CEP68: variants seen among roughly 807,000 people sequenced by gnomAD.
CEP68 encodes the protein centrosomal protein of 68 kDa.
CEP68 carries 26 observed loss-of-function variants against 55.3 expected under a neutral mutation model. That is an observed-to-expected ratio of 0.47 (90% CI 0.34 to 0.65). The LOEUF is 0.65. Ranked by LOEUF, CEP68 falls within the 30% of genes least tolerant of loss-of-function variation. The pLI, the probability that CEP68 is intolerant of heterozygous loss-of-function variation, is 0.01. For synonymous variants in CEP68, 402 were observed against 383.2 expected, an observed-to-expected ratio of 1.05 and a Z score of -0.57; for missense variants, 957 against 946.7, an observed-to-expected ratio of 1.01 and a Z score of -0.14.
intron 1 of CEP68, among the ~76,000 whole-genome samples, chr2:65,061,779 C>T (rs555992614): frequency 5.9e-5 from 9 of 152,346 alleles, no homozygotes; most frequent in Middle Eastern, 3.4e-3. Flanking sequence ...GCCTCAGTCA[C>T]CTTTTGTGAC....
chr2:65,060,340 G>C (rs1238868664), intron 1 of CEP68, among the ~76,000 whole-genome samples: 1 of 152,204 alleles, frequency 6.6e-6, no homozygotes, highest in Non-Finnish European at 1.5e-5. Context: ...TCTCCAAAGA[G>C]AATGCTATGG....
chr2:65,086,763 A>T lies in CEP68; in HGVS notation c.*3129A>T, dbSNP rs567485896. Reference sequence around the variant, plus strand: ...GCAAAAACAAAACTTCTGAAGCATTAAAGATCTTCACCAAAATAACTATTG... The same window carrying T: ...GCAAAAACAAAACTTCTGAAGCATTTAAGATCTTCACCAAAATAACTATTG... On this transcript the variant is annotated 3_prime_UTR_variant, in exon 7 of 7. Coordinates refer to ENST00000377990, the MANE Select transcript of CEP68 (RefSeq NM_015147.3). The T allele has an allele frequency of 6.6e-6, 1 of 152,668 alleles. No homozygotes were observed. Among genetic ancestry groups the T allele is most frequent in the Non-Finnish European group, 1.5e-5 (1 of 68,044 alleles). The allele number at this position is 152,668 out of a possible 1,614,324, so 9.5% of individuals were successfully genotyped here. A position where few individuals can be genotyped will look rare whatever the true frequency, so the allele number is the denominator to read the frequency against.
chr2:65,057,878 A>T (rs1573011161), intron 1 of CEP68, among the ~76,000 whole-genome samples: 1 of 151,240 alleles, frequency 6.6e-6, no homozygotes. Flanking sequence ...CTGGTCTTGA[A>T]CTCCTGGGCT....
chr2:65,072,099 G>T lies in CEP68; in HGVS notation c.1003G>T (p.Asp335Tyr), dbSNP rs1165614133. The change falls in exon 3 of 7, where the codon GAC becomes TAC. Residue 335 changes from aspartate to tyrosine, a missense_variant. By Grantham distance (160) the Asp-to-Tyr change is radical. Transcript: ENST00000377990. ...ADPVLQDSGVDLDSFSVSPAS... is the reference protein window; with the variant it reads ...ADPVLQDSGVYLDSFSVSPAS... ...CCCTGTCCTGCAGGACTCCGGGGTAGACCTGGATAGCTTCTCTGTCTCTCC... is the reference window on the plus strand; with the variant it reads ...CCCTGTCCTGCAGGACTCCGGGGTATACCTGGATAGCTTCTCTGTCTCTCC... The T allele has an allele frequency of 6.2e-7, 1 of 1,614,066 alleles. No homozygotes were observed. Among genetic ancestry groups the T allele is most frequent in the Non-Finnish European group, 8.5e-7 (1 of 1,180,012 alleles).
rs762139425 is a variant in CEP68, at chr2:65,072,278, G to A, written c.1182G>A (p.Trp394Ter). Residue 394 changes from tryptophan (W) to a stop codon, truncating the protein, a stop_gained, in exon 3 of 7, where the codon TGG becomes TGA. Transcript: ENST00000377990. LOFTEE classifies it high-confidence loss of function. ...QKQGGMGLAS[W>*]SQLASTPRAP... ...AGGGTGGCATGGGCTTGGCATCTTG[G>A]AGCCAACTTGCATCTACCCCCAGAG... is the stretch of plus-strand genomic sequence containing the variant. The A allele has an allele frequency of 1.2e-6, 2 of 1,614,046 alleles. No individual in the cohort carries two copies. The highest frequency in any genetic ancestry group is 1.7e-6 in the Non-Finnish European group (2 of 1,179,992).
chr2:65,079,220 A>G (rs1676897656), intron 5 of CEP68, among the ~76,000 whole-genome samples: 1 of 152,234 alleles, frequency 6.6e-6, no homozygotes, highest in African/African-American at 2.4e-5. Flanking sequence ...CATGGTGGGC[A>G]GGTGCATACC....
intron 2 of CEP68, 44 bp downstream of exon 2, chr2:65,069,845 T>C: frequency 6.6e-7 from 1 of 1,523,312 alleles, no homozygotes; most frequent in Non-Finnish European, 9.1e-7. Context: ...TTGCTGTCCT[T>C]TGGGAGTTTG....
chr2:65,071,814 G>C lies in CEP68; in HGVS notation c.718G>C (p.Val240Leu), dbSNP rs373399916. 1.2e-6 allele frequency: 2 copies of C among 1,606,604 alleles called. No homozygotes were observed. Among genetic ancestry groups the C allele is most frequent in the Non-Finnish European group, 8.5e-7 (1 of 1,175,410 alleles). Residue 240 changes from valine to leucine, a missense_variant, in exon 3 of 7, where the codon GTG becomes CTG. Coordinates refer to ENST00000377990, the MANE Select transcript of CEP68 (RefSeq NM_015147.3). ...CGTCCCCCAGGAACCTTCCTCTGTG[G>C]TGGGGCTAGGACCTCGGCCCCAGTG... The part of the protein sequence containing the change: ...PVVPQEPSSV[V>L]GLGPRPQWSP...
At chr2:65,060,742 AG>A (rs1306487489) in intron 1 of CEP68, among the ~76,000 whole-genome samples, 2 of 152,188 alleles carry the variant, frequency 1.3e-5, no homozygotes, top group Non-Finnish European at 2.9e-5. Context: ...TGACATATTC[AG>A]CCCTCAGCAT....
chr2:65,071,499 C>T lies in CEP68; in HGVS notation c.403C>T (p.Leu135=), dbSNP rs898792268. 5.0e-6 allele frequency: 8 copies of T among 1,613,070 alleles called. No homozygotes were observed. The highest frequency in any genetic ancestry group is 1.7e-5 in the Admixed American group (1 of 59,926). The stretch of plus-strand genomic sequence containing the variant: ...TTCCTCCGAGGAGTTCCCTCAGACT[C>T]TGAGCCTTCCCAGAACAACAACTAT... ...LSSSEEFPQT[L]SLPRTTTICS... Residue 135 remains leucine, a synonymous_variant, in exon 3 of 7, where the codon CTG becomes TTG. Coordinates refer to ENST00000377990, the MANE Select transcript of CEP68 (RefSeq NM_015147.3).
rs149286117 is a variant in CEP68, at chr2:65,073,910, C to G, written c.1885-372C>G. The G allele has an allele frequency of 2.2e-3, 445 of 204,726 alleles. 1 individual carries two copies. The highest frequency in any genetic ancestry group is 3.5e-3 in the Non-Finnish European group (354 of 100,024). 12.7% of individuals were successfully genotyped at this position (204,726 alleles called of 1,614,324 possible). A position where few individuals can be genotyped will look rare whatever the true frequency, so the allele number is the denominator to read the frequency against. ...GCTTCAGGTTAGTCATGATTTTAGT[C>G]ATTTATTTTACGTTCACTTTTCCAG... On this transcript the variant is annotated intron_variant, in intron 3 of 6. Transcript: ENST00000377990.
chr2:65,073,021 C>G, intron 3 of CEP68, 41 bp downstream of exon 3: 1 of 1,601,256 alleles, frequency 6.2e-7, no homozygotes, highest in Non-Finnish European at 8.6e-7. Context: ...GTACAGGTGT[C>G]TTGTCTCTTC....
chr2:65,059,817 A>G (rs1675823432), intron 1 of CEP68, among the ~76,000 whole-genome samples: 1 of 152,192 alleles, frequency 6.6e-6, no homozygotes, highest in Admixed American at 6.5e-5. Flanking sequence ...GAGAATCTGC[A>G]TTCCCAACGA....
At chr2:65,074,203 C>T (rs1676648409) in intron 3 of CEP68, 79 bp from the exon 4 acceptor site, 1 of 1,551,150 alleles carries the variant, frequency 6.4e-7, no homozygotes, top group Non-Finnish European at 8.8e-7. Context: ...TCCAAGTCCT[C>T]CTGATATTTT....
At chr2:65,061,459 G>C (rs2103745889) in intron 1 of CEP68, among the ~76,000 whole-genome samples, 1 of 152,380 alleles carries the variant, frequency 6.6e-6, no homozygotes. Context: ...GGGGCTCCCG[G>C]TGCCCAAGGA....
rs148901728 is a variant in CEP68 at position 65,080,120 on chromosome 2, C to T, written c.2104+2156C>T. 7.3e-3 allele frequency among the ~76,000 whole-genome samples: 1,095 copies of T among 149,302 alleles called. 15 individuals are homozygous for T. The highest frequency in any genetic ancestry group is 0.026 in the African/African-American group (1,046 of 40,424). Reference sequence around the variant, plus strand: ...TGCACTCCAGCCTGGGCAACAAGAGCGAAATTCCTTCTCAAAAAAAAAAAA... The same window carrying T: ...TGCACTCCAGCCTGGGCAACAAGAGTGAAATTCCTTCTCAAAAAAAAAAAA... On this transcript the variant is annotated intron_variant, in intron 5 of 6. Transcript: ENST00000377990.
intron 1 of CEP68, among the ~76,000 whole-genome samples, chr2:65,062,405 C>T (rs1052098290): frequency 3.3e-5 from 5 of 151,982 alleles, no homozygotes; most frequent in East Asian, 1.9e-4. Flanking sequence ...TGGTGGCACG[C>T]ACCTGGAGTC....
At chr2:65,074,907 G>T (rs201817189) in intron 4 of CEP68, 1 of 195,962 alleles carries the variant, frequency 5.1e-6, no homozygotes, top group South Asian at 8.5e-5. Context: ...TATGGCTATT[G>T]AAGTAAAATT....
In CEP68 at chr2:65,082,672, G is replaced by A. The variant is rs929448639; in HGVS notation, c.2241G>A (p.Met747Ile). The part of the protein sequence containing the change: ...GCTLIPDKKP[M>I]AAMEHPCEGV ...CCCTTATCCCTGACAAAAAGCCCATGGCGGCAATGGAGCACCCATGTGAAG... is the reference window on the plus strand; with the variant it reads ...CCCTTATCCCTGACAAAAAGCCCATAGCGGCAATGGAGCACCCATGTGAAG... The change falls in exon 6 of 7, where the codon ATG (methionine) becomes ATA (isoleucine). Residue 747 changes from methionine to isoleucine, a missense_variant. Physicochemically the swap from Met to Ile is conservative, Grantham distance 10. Transcript: ENST00000377990. The A allele has an allele frequency of 1.2e-6, 2 of 1,605,190 alleles. No homozygotes were observed.
Sources: gnomAD v4.1 joint callset for allele counts (sites outside exome capture counted in the v4.1 genomes callset) on GRCh38, gnomAD v4.1.1 for gene constraint, MANE v1.5 for transcripts, NCBI Gene and HGNC (gene_info 2026-07-23, HGNC 2026-07-21) for gene names.